ZNF282: variants seen among roughly 807,000 people sequenced by gnomAD.
The protein encoded by ZNF282 is zinc finger protein 282.
Under a neutral mutation model 61.9 loss-of-function variants are expected in ZNF282, and 30 were observed. The observed-to-expected ratio is 0.48, with a 90% CI of 0.36 to 0.66. The LOEUF (loss-of-function observed/expected upper bound fraction) is 0.66, where lower values mean the gene tolerates loss of function less well. Ranked by LOEUF, ZNF282 falls within the 30% of genes least tolerant of loss-of-function variation. The probability of loss-of-function intolerance (pLI) is 0.00; values close to 1 mark genes in which losing one functional copy is unlikely to be tolerated. For missense variants in ZNF282, 788 were observed against 941.4 expected (o/e 0.84, Z 2.13); for synonymous variants, 396 against 405.0 (o/e 0.98, Z 0.27).
chr7:149,223,414 C>T (rs1208762866), intron 7 of ZNF282, among the ~76,000 whole-genome samples: 1 of 152,130 alleles, frequency 6.6e-6, no homozygotes, highest in Non-Finnish European at 1.5e-5. Flanking sequence ...CACCAGTGCA[C>T]TACAGCCTGG....
intron 6 of ZNF282, among the ~76,000 whole-genome samples, 195 bp downstream of exon 6, chr7:149,212,666 C>T (rs373648869): frequency 1.3e-5 from 2 of 152,188 alleles, no homozygotes; most frequent in African/African-American, 4.8e-5. Context: ...CCGCAACCTC[C>T]GTTTCCCGGG....
chr7:149,209,971 T>C (rs1796057936), intron 4 of ZNF282, among the ~76,000 whole-genome samples: 1 of 152,222 alleles, frequency 6.6e-6, no homozygotes, highest in Non-Finnish European at 1.5e-5. Flanking sequence ...ATGATGTTAT[T>C]TGAGGATCTG....
intron 2 of ZNF282, among the ~76,000 whole-genome samples, chr7:149,200,328 A>AGT (rs996233810): frequency 6.6e-6 from 1 of 152,100 alleles, no homozygotes; most frequent in Admixed American, 6.5e-5. Context: ...GTTGCTTCTC[A>AGT]GTCTTCATCC....
At chr7:149,218,450 C>T (rs1199382445) in intron 7 of ZNF282, among the ~76,000 whole-genome samples, 2 of 152,106 alleles carry the variant, frequency 1.3e-5, no homozygotes, top group Non-Finnish European at 1.5e-5. Flanking sequence ...TGGAAAAGAA[C>T]CTGTGTTGCT....
chr7:149,200,263 C>T (rs375761451), intron 2 of ZNF282, among the ~76,000 whole-genome samples: 11 of 152,180 alleles, frequency 7.2e-5, no homozygotes, highest in Non-Finnish European at 1.3e-4. Flanking sequence ...CTCTCTGGAA[C>T]GCACTCTGAT....
At chr7:149,221,420 C>G (rs185580327) in intron 7 of ZNF282, among the ~76,000 whole-genome samples, 89 of 152,336 alleles carry the variant, frequency 5.8e-4, no homozygotes, top group African/African-American at 2.0e-3. Flanking sequence ...GATTGAGGTT[C>G]ACACTGGGTT....
intron 4 of ZNF282, among the ~76,000 whole-genome samples, chr7:149,208,651 G>T (rs1796034274): frequency 6.6e-6 from 1 of 152,038 alleles, no homozygotes; most frequent in African/African-American, 2.4e-5. Flanking sequence ...CTGTTTTAAA[G>T]AATGCAATTC....
chr7:149,208,736 CG>C (rs1209691528), intron 4 of ZNF282, among the ~76,000 whole-genome samples: 1 of 151,696 alleles, frequency 6.6e-6, no homozygotes, highest in African/African-American at 2.4e-5. Context: ...ACCCCACACC[CG>C]GCAGGGCACG....
chr7:149,217,971 C>T (rs1050218700), intron 7 of ZNF282, among the ~76,000 whole-genome samples: 4 of 151,322 alleles, frequency 2.6e-5, no homozygotes, highest in Admixed American at 2.6e-4. Context: ...GGCCGGGTGT[C>T]ATGGCGGGCA....
At chr7:149,201,158 C>T (rs1795903015) in intron 2 of ZNF282, among the ~76,000 whole-genome samples, 1 of 152,188 alleles carries the variant, frequency 6.6e-6, no homozygotes, top group African/African-American at 2.4e-5. Flanking sequence ...TTCAAGTGCT[C>T]AGGCCAAAGC....
rs1453335731 is a variant in ZNF282, at chr7:149,198,587, C to T, written c.420C>T (p.Ala140=). 12 of 1,614,108 alleles carry T rather than the reference C, an allele frequency of 7.4e-6. No individual in the cohort carries two copies. The highest frequency in any genetic ancestry group is 2.7e-5 in the African/African-American group (2 of 75,014). ...AGCTGGCCGACTGTGAAAAGACGGCCGTGGAATTTGGGAACCACATGGAGA... is the reference window on the plus strand; with the variant it reads ...AGCTGGCCGACTGTGAAAAGACGGCTGTGGAATTTGGGAACCACATGGAGA... ...EKKLADCEKT[A]VEFGNHMESK... is the part of the protein sequence containing the mutation. Residue 140 remains alanine (A), a synonymous_variant, in exon 2 of 8, where the codon GCC becomes GCT. Coordinates refer to ENST00000610704, the MANE Select transcript of ZNF282 (RefSeq NM_003575.4). The surrounding 1 kb of genome is among the most constrained non-coding windows in gnomAD (Gnocchi z 4.3).
intron 7 of ZNF282, among the ~76,000 whole-genome samples, chr7:149,216,603 T>A (rs543359032): frequency 6.6e-6 from 1 of 152,338 alleles, no homozygotes; most frequent in African/African-American, 2.4e-5. Flanking sequence ...CATCTGTGGT[T>A]TCTTTGATGT....
chr7:149,203,381 A>G (rs1010156258), intron 2 of ZNF282, among the ~76,000 whole-genome samples: 5 of 152,114 alleles, frequency 3.3e-5, no homozygotes, highest in African/African-American at 9.7e-5. Flanking sequence ...ACGGTCTCAC[A>G]TTGTCATCCA....
chr7:149,202,472 C>A (rs898096995), intron 2 of ZNF282, among the ~76,000 whole-genome samples: 2 of 151,846 alleles, frequency 1.3e-5, no homozygotes, highest in African/African-American at 2.4e-5. Context: ...TCACCACGCC[C>A]GGCTAATTTT....
chr7:149,224,008 T>C lies in ZNF282; in HGVS notation c.1377T>C (p.Arg459=), dbSNP rs1563182002. 19 of 1,232,234 alleles carry C rather than the reference T, an allele frequency of 1.5e-5. No individual in the cohort carries two copies. The highest frequency in any genetic ancestry group is 1.9e-5 in the Non-Finnish European group (19 of 986,984). 76.3% of individuals were successfully genotyped at this position (1,232,234 alleles called of 1,614,324 possible). A position where few individuals can be genotyped will look rare whatever the true frequency, so the allele number is the denominator to read the frequency against. The change falls in exon 8 of 8, where the codon CGT becomes CGC. Residue 459 remains arginine, a synonymous_variant. Coordinates refer to ENST00000610704, the MANE Select transcript of ZNF282 (RefSeq NM_003575.4). ...DDGFQVLPGE[R]GSGEAPPGGD... is the part of the protein sequence containing the mutation. ...GTTTCCAGGTGCTGCCCGGGGAGCG[T>C]GGCTCCGGCGAGGCGCCGCCGGGTG... is the stretch of plus-strand genomic sequence containing the variant.
chr7:149,216,311 C>T (rs780539844), intron 7 of ZNF282, among the ~76,000 whole-genome samples: 9 of 152,102 alleles, frequency 5.9e-5, no homozygotes, highest in African/African-American at 1.9e-4. Flanking sequence ...ATATTACCCA[C>T]GCTGGTCTGA....
chr7:149,196,112 A>G (rs1232829286), intron 1 of ZNF282, among the ~76,000 whole-genome samples: 1 of 152,022 alleles, frequency 6.6e-6, no homozygotes, highest in African/African-American at 2.4e-5. Flanking sequence ...CGGCCGGCGG[A>G]GAGCTTCGCG....
At chr7:149,201,852 C>T (rs1337053310) in intron 2 of ZNF282, among the ~76,000 whole-genome samples, 1 of 152,164 alleles carries the variant, frequency 6.6e-6, no homozygotes, top group Non-Finnish European at 1.5e-5. Context: ...GCCTCTCTGA[C>T]CTCCTCTGCA....
chr7:149,198,309 G>C lies in ZNF282; in HGVS notation c.166-24G>C. 1 of 1,575,302 alleles carries C rather than the reference G, an allele frequency of 6.3e-7. No homozygotes were observed. Among genetic ancestry groups the C allele is most frequent in the Non-Finnish European group, 8.6e-7 (1 of 1,158,294 alleles). On this transcript the variant is annotated intron_variant, in intron 1 of 7. Coordinates refer to ENST00000610704, the MANE Select transcript of ZNF282 (RefSeq NM_003575.4). The surrounding 1 kb of genome is among the most constrained non-coding windows in gnomAD (Gnocchi z 4.3). ...CTCACACAAGGTCTCATCCTGGGTTGTCGCTTTCTCCCTCTGCATACAGGC... is the reference window on the plus strand; with the variant it reads ...CTCACACAAGGTCTCATCCTGGGTTCTCGCTTTCTCCCTCTGCATACAGGC...
Sources: gnomAD v4.1 joint callset for allele counts (sites outside exome capture counted in the v4.1 genomes callset) on GRCh38, gnomAD v4.1.1 for gene constraint, Gnocchi (gnomAD v3.1) non-coding constraint, MANE v1.5 for transcripts, NCBI Gene and HGNC (gene_info 2026-07-23, HGNC 2026-07-21) for gene names.